The following MAP6 variants were observed in gnomAD, a reference collection of about 807,000 sequenced individuals.
MAP6 encodes the protein microtubule-associated protein 6.
MAP6 carries 26 observed loss-of-function variants against 42.4 expected under a neutral mutation model. The ratio of observed to expected loss-of-function variants is 0.61; its 90% CI spans 0.45 to 0.85. The LOEUF (loss-of-function observed/expected upper bound fraction) is 0.85. MAP6 is among the 40% of genes least tolerant of loss of function. The pLI is 0.00. For synonymous variants in MAP6, 418 were observed against 443.8 expected (o/e 0.94, Z 0.73); for missense variants, 966 against 1,099.0 (o/e 0.88, Z 1.71).
intron 1 of MAP6, among the ~76,000 whole-genome samples, chr11:75,611,708 C>T (rs552311089): frequency 2.2e-4 from 33 of 152,330 alleles, no homozygotes; most frequent in African/African-American, 6.5e-4. Context: ...ACTAATATTA[C>T]GTCATAGAAA....
chr11:75,616,897 G>A (rs997233005), intron 1 of MAP6, among the ~76,000 whole-genome samples: 19 of 152,132 alleles, frequency 1.2e-4, no homozygotes, highest in African/African-American at 4.6e-4. Context: ...TATAAAATGA[G>A]GAAAGCACAT....
Position 75,587,531 on chromosome 11 carries a change from G to T in MAP6, c.1970C>A (p.Pro657His). Residue 657 changes from proline (P) to histidine (H), a missense_variant, in exon 4 of 4, where the codon CCC (proline) becomes CAC (histidine). Coordinates refer to ENST00000304771, the MANE Select transcript of MAP6 (RefSeq NM_033063.2). ...PKDESAMATA[P>H]IKNQGSMVSE... is the part of the protein sequence containing the mutation. ...GACCATGGAACCTTGATTCTTTATG[G>T]GTGCTGTGGCCATGGCACTTTCATC... 1.9e-6 allele frequency: 3 copies of T among 1,614,136 alleles called. No individual in the cohort carries two copies. The highest frequency in any genetic ancestry group is 2.5e-6 in the Non-Finnish European group (3 of 1,180,034).
chr11:75,667,984 T>C lies in MAP6; in HGVS notation c.386A>G (p.Lys129Arg). ...GCAGCTGGGCTCGGGCCGCTGCACC[T>C]TCCAGGCTCGGTAATCCTGCCGCAT... ...SVMRQDYRAW[K>R]VQRPEPSCRP... Residue 129 changes from lysine (K) to arginine (R), a missense_variant, in exon 1 of 4, where the codon AAG (lysine) becomes AGG (arginine). Around this residue, in one of 2 missense-constraint regions of MAP6, gnomAD observed 943 missense variants for 1,049.9 expected, o/e 0.90. Coordinates refer to ENST00000304771, the MANE Select transcript of MAP6 (RefSeq NM_033063.2). This position sits in a 1 kb window ranked among gnomAD's most constrained non-coding sequence, Gnocchi z 5.6. 2 of 1,267,728 alleles carry C rather than the reference T, an allele frequency of 1.6e-6. No homozygotes were observed. The highest frequency in any genetic ancestry group is 3.8e-5 in the Admixed American group (1 of 26,434). 78.5% of individuals were successfully genotyped at this position (1,267,728 alleles called of 1,614,324 possible). A position where few individuals can be genotyped will look rare whatever the true frequency, so the allele number is the denominator to read the frequency against.
rs556404285 is a variant in MAP6, at chr11:75,605,756, T to C, written c.1316+52A>G. 5 of 1,572,740 alleles carry C rather than the reference T, an allele frequency of 3.2e-6. No homozygotes were observed. In the South Asian group the frequency reaches 5.9e-5, roughly 19 times the overall value. Reference sequence around the variant, plus strand: ...GTTTGTTGGTTTAAAAAAAAAAAGTTGGGGGGAGGGAGAGAGAGAGAAGAG... The same window carrying C: ...GTTTGTTGGTTTAAAAAAAAAAAGTCGGGGGGAGGGAGAGAGAGAGAAGAG... On this transcript the variant is annotated intron_variant, in intron 3 of 3. Coordinates refer to ENST00000304771, the MANE Select transcript of MAP6 (RefSeq NM_033063.2).
intron 1 of MAP6, among the ~76,000 whole-genome samples, chr11:75,645,835 GA>G (rs1474927091): frequency 2.0e-5 from 3 of 151,866 alleles, no homozygotes; most frequent in African/African-American, 7.3e-5. Context: ...GAAAGACTGA[GA>G]AAATTTCCCA....
At chr11:75,601,009 T>C (rs1422573618) in intron 3 of MAP6, among the ~76,000 whole-genome samples, 1 of 152,098 alleles carries the variant, frequency 6.6e-6, no homozygotes, top group Non-Finnish European at 1.5e-5. Context: ...GTAATGTGAG[T>C]GATGGGTTAT....
rs1944001312 is a variant in MAP6 at position 75,668,265 on chromosome 11, C to T, written c.105G>A (p.Glu35=). 6.6e-7 allele frequency: 1 copy of T among 1,522,608 alleles called. No homozygotes were observed. 94.3% of individuals were successfully genotyped at this position (1,522,608 alleles called of 1,614,324 possible). Residue 35 remains glutamate, a synonymous_variant, in exon 1 of 4, where the codon GAG becomes GAA. Transcript: ENST00000304771. Reference sequence around the variant, plus strand: ...GCGGGGCGCCCGGGTGCTCGGTGGCCTCCGAGTACTTGGTGAAAACCAGCG... The same window carrying T: ...GCGGGGCGCCCGGGTGCTCGGTGGCTTCCGAGTACTTGGTGAAAACCAGCG... The part of the protein sequence containing the change: ...AVPLVFTKYS[E]ATEHPGAPPQ...
At chr11:75,598,541 A>G (rs1453076591) in intron 3 of MAP6, among the ~76,000 whole-genome samples, 2 of 152,212 alleles carry the variant, frequency 1.3e-5, no homozygotes, top group Non-Finnish European at 2.9e-5. Flanking sequence ...CCAGCCATTG[A>G]CTGCTCTCTG....
intron 2 of MAP6, among the ~76,000 whole-genome samples, chr11:75,606,777 A>T (rs644388): frequency 0.75 from 114,714 of 152,056 alleles, 44,067 homozygotes; most frequent in African/African-American, 0.9. Context: ...CCAGAGCAGC[A>T]GTTCTAAGCT....
intron 1 of MAP6, among the ~76,000 whole-genome samples, chr11:75,649,972 G>C (rs894390271): frequency 6.6e-6 from 1 of 152,182 alleles, no homozygotes; most frequent in Non-Finnish European, 1.5e-5. Context: ...ATTGGAGCAG[G>C]CACCATCAGA....
intron 1 of MAP6, among the ~76,000 whole-genome samples, chr11:75,648,218 G>T (rs1479947460): frequency 2.6e-5 from 4 of 152,202 alleles, no homozygotes; most frequent in Non-Finnish European, 4.4e-5. Context: ...AAGAGGTTGG[G>T]TGCAGTGGCT....
chr11:75,642,666 G>T, intron 1 of MAP6: 1 of 202,790 alleles, frequency 4.9e-6, no homozygotes, highest in Non-Finnish European at 1.1e-5. Flanking sequence ...GTGCTTCTGT[G>T]GTGGCACTTA....
intron 1 of MAP6, among the ~76,000 whole-genome samples, chr11:75,638,086 T>C (rs569586640): frequency 5.3e-5 from 8 of 152,258 alleles, no homozygotes; most frequent in African/African-American, 1.7e-4. Context: ...ATGATGTAAA[T>C]AAAGAGTTTC....
intron 3 of MAP6, among the ~76,000 whole-genome samples, chr11:75,592,772 A>G (rs1942504157): frequency 6.6e-6 from 1 of 152,218 alleles, no homozygotes; most frequent in Admixed American, 6.5e-5. Context: ...TGTACCAAGA[A>G]CAAAGAAGAA....
chr11:75,658,394 C>T (rs955920189), intron 1 of MAP6, among the ~76,000 whole-genome samples: 22 of 64,446 alleles, frequency 3.4e-4, no homozygotes, highest in African/African-American at 2.1e-3. Flanking sequence ...TACCATTTCT[C>T]CACCCCCCCC....
In MAP6 at chr11:75,587,108, A is replaced by G. The variant is rs141866559; in HGVS notation, c.2393T>C (p.Val798Ala). The G allele has an allele frequency of 4.3e-4, 696 of 1,609,408 alleles. 4 individuals carry two copies. In the African/African-American group the frequency reaches 7.9e-3, roughly 18 times the overall value. The part of the protein sequence containing the change: ...QLPTVSPLPR[V>A]MIPTAPHTEY... Reference sequence around the variant, plus strand: ...CGTATGGGGGGCAGTTGGGATCATGACTCGGGGTAGAGGTGAGACAGTAGG... The same window carrying G: ...CGTATGGGGGGCAGTTGGGATCATGGCTCGGGGTAGAGGTGAGACAGTAGG... Residue 798 changes from valine (V) to alanine (A), a missense_variant, in exon 4 of 4, where the codon GTC becomes GCC. By Grantham distance (64) the Val-to-Ala change is moderately conservative. This residue lies in a region of MAP6 where 943 missense variants were observed against 1,049.9 expected (regional missense o/e 0.90). Coordinates refer to ENST00000304771, the MANE Select transcript of MAP6 (RefSeq NM_033063.2).
chr11:75,668,020 G>A lies in MAP6; in HGVS notation c.350C>T (p.Ala117Val), dbSNP rs1336520003. The change falls in exon 1 of 4, where the codon GCG (alanine) becomes GTG (valine). Residue 117 changes from alanine to valine, a missense_variant. Physicochemically the swap from Ala to Val is moderately conservative, Grantham distance 64 (BLOSUM62 0). Coordinates refer to ENST00000304771, the MANE Select transcript of MAP6 (RefSeq NM_033063.2). ...GLGSGSTSGP[A>V]DSVMRQDYRA... ...GTAATCCTGCCGCATCACCGAGTCCGCGGGGCCGGAGGTGGAGCCGGAGCC... is the reference window on the plus strand; with the variant it reads ...GTAATCCTGCCGCATCACCGAGTCCACGGGGCCGGAGGTGGAGCCGGAGCC... 5 of 1,234,926 alleles carry A rather than the reference G, an allele frequency of 4.0e-6. No homozygotes were observed. The South Asian group carries it at 1.1e-4, about 27-fold the overall frequency. The allele number at this position is 1,234,926 out of a possible 1,614,324, so 76.5% of individuals were successfully genotyped here. A position where few individuals can be genotyped will look rare whatever the true frequency, so the allele number is the denominator to read the frequency against.
chr11:75,599,163 CT>C (rs1462160891), intron 3 of MAP6: 1 of 152,154 alleles, frequency 6.6e-6, no homozygotes, highest in East Asian at 1.9e-4. Flanking sequence ...GTGGCAGTAA[CT>C]TTTAAAGCTC....
At chr11:75,656,244 C>G (rs56397997) in intron 1 of MAP6, among the ~76,000 whole-genome samples, 3,240 of 152,200 alleles carry the variant, frequency 0.021, 118 homozygotes, top group African/African-American at 0.074. Flanking sequence ...CAGTGGAGGA[C>G]GCATTGTTTC....
Sources: allele counts gnomAD v4.1 joint callset (sites outside exome capture counted in the v4.1 genomes callset), GRCh38; gene constraint gnomAD v4.1.1; regional missense constraint gnomAD v4.1.1; non-coding constraint Gnocchi (gnomAD v3.1); transcripts MANE v1.5; gene names NCBI Gene and HGNC (gene_info 2026-07-23, HGNC 2026-07-21).